Variants in C4orf50 observed in about 807,000 individuals in gnomAD.
C4orf50 encodes the protein uncharacterized protein C4orf50.
C4orf50 carries 80 observed loss-of-function variants against 77.2 expected under a neutral mutation model. The observed-to-expected ratio is 1.04, with a 90% confidence interval of 0.87 to 1.25. The LOEUF (loss-of-function observed/expected upper bound fraction) is 1.25, where lower values mean the gene tolerates loss of function less well. C4orf50 is among the 50% of genes most tolerant of loss of function. The pLI is 0.00. For missense variants in C4orf50, 1,257 were observed against 1,152.9 expected (o/e 1.09, Z -1.31); for synonymous variants, 532 against 465.3 (o/e 1.14, Z -1.84).
intron 7 of C4orf50, among the ~76,000 whole-genome samples, chr4:5,934,232 C>T (rs1717907813): frequency 6.6e-6 from 1 of 152,154 alleles, no homozygotes. Flanking sequence ...GGCGGCGACA[C>T]AGGAGTCACG....
rs573654577 is a variant in C4orf50 at position 5,912,952 on chromosome 4, A to G, written c.*2475-14764T>C. 7.2e-5 allele frequency among the ~76,000 whole-genome samples: 11 copies of G among 152,332 alleles called. No individual in the cohort carries two copies. In the South Asian group the frequency reaches 2.3e-3, roughly 32 times the overall value. On this transcript the variant is annotated intron_variant, in intron 7 of 7. Coordinates refer to the C4orf50 transcript ENST00000324058. ...GGAGACTGGAAACCTGCCAGGCTGT[A>G]GATTGTCTGGCTTGCATATGAAAGG...
intron 7 of C4orf50, among the ~76,000 whole-genome samples, chr4:5,933,754 C>A (rs1184920973): frequency 1.3e-5 from 2 of 152,154 alleles, no homozygotes; most frequent in Non-Finnish European, 1.5e-5. Context: ...CTGGCCCAGA[C>A]CCCCTTGAAG....
intron 7 of C4orf50, among the ~76,000 whole-genome samples, chr4:5,925,295 G>T (rs115441183): frequency 9.2e-5 from 14 of 152,112 alleles, no homozygotes; most frequent in Admixed American, 2.0e-4. Context: ...GGGCTCTAGT[G>T]GGGAGGGCTG....
Position 5,990,379 on chromosome 4 carries a change from G to A in C4orf50, c.1667C>T (p.Ala556Val), listed in dbSNP as rs569980974. ...TGCCTTCCCCTCTTCAGTTCTCCCCGCAAGGCTTCCTCCTCCATTGTTCCA... is the reference window on the plus strand; with the variant it reads ...TGCCTTCCCCTCTTCAGTTCTCCCCACAAGGCTTCCTCCTCCATTGTTCCA... The change falls in exon 28 of 34, where the codon GCG becomes GTG. Residue 556 changes from alanine (A) to valine (V), a missense_variant. Transcript: ENST00000531445. The A allele has an allele frequency of 1.7e-4, 77 of 444,332 alleles. No homozygotes were observed. The East Asian group carries it at 2.1e-3, about 12-fold the overall frequency. The allele number at this position is 444,332 out of a possible 1,614,324, so 27.5% of individuals were successfully genotyped here.
At chr4:5,985,644 G>C (rs1434754991) in intron 28 of C4orf50, among the ~76,000 whole-genome samples, 1 of 151,968 alleles carries the variant, frequency 6.6e-6, no homozygotes, top group African/African-American at 2.4e-5. Flanking sequence ...AAACAGAACA[G>C]ATGAGACAAA....
rs371365021 is a variant in C4orf50, at chr4:5,972,711, C to CT, written c.4104+947dup. Among the ~76,000 whole-genome samples the CT allele has an allele frequency of 4.3e-3, 658 of 152,368 alleles. 4 individuals are homozygous for CT. The highest frequency in any genetic ancestry group is 0.015 in the African/African-American group (628 of 41,596). Reference sequence around the variant, plus strand: ...TGAGAGCAAGCCCCACAGGCAGAGCCTGGAGGGACCATGGAAAACAGCCCC... The same window carrying CT: ...TGAGAGCAAGCCCCACAGGCAGAGCCTTGGAGGGACCATGGAAAACAGCCCC... On this transcript the variant is annotated intron_variant, in intron 31 of 33. Transcript: ENST00000531445.
At chr4:6,003,650 A>ATGATGG (rs1176424347) in intron 25 of C4orf50, among the ~76,000 whole-genome samples, 1 of 106,764 alleles carries the variant, frequency 9.4e-6, no homozygotes, top group Admixed American at 1.1e-4. Flanking sequence ...TGTGATAGTG[A>ATGATGG]TGATGGTGAT....
chr4:6,003,378 A>C (rs1417814748), intron 25 of C4orf50, among the ~76,000 whole-genome samples: 1 of 152,252 alleles, frequency 6.6e-6, no homozygotes, highest in Non-Finnish European at 1.5e-5. Flanking sequence ...TTTACCCAAC[A>C]TCCTACTAGA....
chr4:5,957,926 G>A (rs1224970729), exon 34 of C4orf50: 1 of 152,192 alleles, frequency 6.6e-6, no homozygotes, highest in Admixed American at 6.5e-5. Context: ...AAGAGTCTAC[G>A]GGAACTCTGT....
chr4:5,999,545 G>A (rs1246895325), intron 25 of C4orf50, among the ~76,000 whole-genome samples: 2 of 152,208 alleles, frequency 1.3e-5, no homozygotes, highest in Non-Finnish European at 2.9e-5. Context: ...CTGTGAAGCA[G>A]TCCCTTCAGC....
At chr4:6,003,910 T>A (rs1341244781) in intron 25 of C4orf50, among the ~76,000 whole-genome samples, 109 of 18,436 alleles carry the variant, frequency 5.9e-3, no homozygotes, top group African/African-American at 7.8e-3. Context: ...GATGGTGATG[T>A]TGATGATGGT....
At chr4:5,899,927 T>C (rs1716274189) in intron 7 of C4orf50, 1 of 152,188 alleles carries the variant, frequency 6.6e-6, no homozygotes, top group Non-Finnish European at 1.5e-5. Context: ...ATCCTTCAAA[T>C]GACCTGGAGG....
At chr4:5,934,738 T>A (rs1717933112) in intron 7 of C4orf50, among the ~76,000 whole-genome samples, 1 of 152,188 alleles carries the variant, frequency 6.6e-6, no homozygotes, top group South Asian at 2.1e-4. Context: ...GGTTTACTTG[T>A]AAATAACAAT....
chr4:5,912,508 T>A (rs1716853317), intron 7 of C4orf50, among the ~76,000 whole-genome samples: 1 of 152,204 alleles, frequency 6.6e-6, no homozygotes, highest in Non-Finnish European at 1.5e-5. Flanking sequence ...AGGAAATGTA[T>A]CTGTCCTTGT....
intron 31 of C4orf50, among the ~76,000 whole-genome samples, chr4:5,969,077 G>A (rs1020709656): frequency 2.6e-5 from 4 of 152,156 alleles, no homozygotes; most frequent in East Asian, 1.9e-4. Flanking sequence ...ACAGAAATAC[G>A]GTACCAATAT....
rs16837860 is a variant in C4orf50, at chr4:5,935,491, T to A, written c.*2474+21410A>T. Among the ~76,000 whole-genome samples, 1,309 of 152,230 alleles carry A rather than the reference T, an allele frequency of 8.6e-3. 20 individuals carry two copies. The highest frequency in any genetic ancestry group is 0.03 in the African/African-American group (1,236 of 41,550). On this transcript the variant is annotated intron_variant, in intron 7 of 7. Transcript: ENST00000324058. ...GATGCTGAAACACACAGGATTCCTA[T>A]AGATAAATCCCCAGGGCTGGGTGTG...
chr4:5,979,532 A>G (rs1373503085), intron 29 of C4orf50, among the ~76,000 whole-genome samples: 1 of 152,220 alleles, frequency 6.6e-6, no homozygotes, highest in Non-Finnish European at 1.5e-5. Context: ...GAAGTCAGAA[A>G]ATGTTAAGGT....
chr4:5,989,379 G>T, exon 28 of C4orf50: 1 of 1,536,040 alleles, frequency 6.5e-7, no homozygotes, highest in Non-Finnish European at 8.7e-7. Flanking sequence ...CAGGAACTTC[G>T]CTGGTGCCCA....
intron 7 of C4orf50, among the ~76,000 whole-genome samples, chr4:5,923,119 C>A (rs1162670062): frequency 1.3e-5 from 2 of 152,296 alleles, no homozygotes; most frequent in East Asian, 1.9e-4. Flanking sequence ...GGGAAAGGGA[C>A]CTGACATTTT....
Sources: gnomAD v4.1 joint callset for allele counts (sites outside exome capture counted in the v4.1 genomes callset) on GRCh38, gnomAD v4.1.1 for gene constraint, MANE v1.5 for transcripts, NCBI Gene and HGNC (gene_info 2026-07-23, HGNC 2026-07-21) for gene names.